The following DTX1 variants were observed in gnomAD, a reference collection of about 807,000 sequenced individuals.
DTX1 encodes E3 ubiquitin-protein ligase DTX1.
In DTX1, 26 loss-of-function variants were observed where a neutral mutation model predicts 57.8. The ratio of observed to expected loss-of-function variants is 0.45; its 90% CI spans 0.33 to 0.62. DTX1 has a LOEUF of 0.62. Ranked by LOEUF, DTX1 falls within the 20% of genes least tolerant of loss-of-function variation. The pLI, the probability that DTX1 is intolerant of heterozygous loss-of-function variation, is 0.02. For synonymous variants in DTX1, 398 were observed against 394.1 expected (o/e 1.01, Z -0.12); for missense variants, 704 against 895.3 (o/e 0.79, Z 2.73).
intron 2 of DTX1, among the ~76,000 whole-genome samples, chr12:113,073,402 T>C (rs933568379): frequency 6.6e-6 from 1 of 152,074 alleles, no homozygotes; most frequent in Non-Finnish European, 1.5e-5. Flanking sequence ...CACACTCAAT[T>C]AAAATGATAA....
At position 113,093,020 on chromosome 12, in the gene DTX1, C is replaced by T; in HGVS notation, c.942-142C>T. On this transcript the variant is annotated intron_variant, in intron 3 of 9. Transcript: ENST00000548759. The surrounding 1 kb of genome is among the most constrained non-coding windows in gnomAD (Gnocchi z 4.2). The stretch of plus-strand genomic sequence containing the variant: ...GATGTCAGAGTAGAAAGAGAGTTTC[C>T]TGGAGGTAACTGCAGTTGGCAGAGA... 1 of 749,412 alleles carries T rather than the reference C, an allele frequency of 1.3e-6. No individual in the cohort carries two copies. The highest frequency in any genetic ancestry group is 2.1e-6 in the Non-Finnish European group (1 of 469,516). The allele number at this position is 749,412 out of a possible 1,614,324, so 46.4% of individuals were successfully genotyped here.
intron 1 of DTX1, among the ~76,000 whole-genome samples, 187 bp downstream of exon 1, chr12:113,057,131 C>T (rs2136419530): frequency 6.6e-6 from 1 of 152,066 alleles, no homozygotes; most frequent in South Asian, 2.1e-4. Context: ...GCCTGCAGCG[C>T]CGCGCATCCC....
chr12:113,096,993 T>C lies in DTX1; in HGVS notation c.*54T>C. ...CTTTGCCCCTGGTCCGGCAAATGCC[T>C]CCTTCGCCAGGTGTGTCCTGGTAGC... On this transcript the variant is annotated 3_prime_UTR_variant, in exon 10 of 10. Coordinates refer to ENST00000548759, the MANE Select transcript of DTX1 (RefSeq NM_004416.3). 1 of 1,530,574 alleles carries C rather than the reference T, an allele frequency of 6.5e-7. No homozygotes were observed. The highest frequency in any genetic ancestry group is 8.8e-7 in the Non-Finnish European group (1 of 1,138,676). 94.8% of individuals were successfully genotyped at this position (1,530,574 alleles called of 1,614,324 possible). A position where few individuals can be genotyped will look rare whatever the true frequency, so the allele number is the denominator to read the frequency against.
At chr12:113,076,661 A>C (rs1053326576) in intron 2 of DTX1, among the ~76,000 whole-genome samples, 1 of 152,326 alleles carries the variant, frequency 6.6e-6, no homozygotes, top group Non-Finnish European at 1.5e-5. Context: ...GAATGACCTA[A>C]GGAAAGAATC....
intron 2 of DTX1, among the ~76,000 whole-genome samples, chr12:113,062,795 C>T (rs1424071706): frequency 2.6e-5 from 4 of 152,240 alleles, no homozygotes; most frequent in Non-Finnish European, 5.9e-5. Context: ...AGAAGCCAGG[C>T]TCTGGCCCCA....
rs541378534 is a variant in DTX1 at position 113,096,654 on chromosome 12, C to T, written c.1639-61C>T. On this transcript the variant is annotated intron_variant, in intron 9 of 9. Coordinates refer to ENST00000548759, the MANE Select transcript of DTX1 (RefSeq NM_004416.3). ...GGCAGGGGAGGGAGGGAGGCTGAGGCTGGTGGGCTGGAAGCTGCCTGTGAC... is the reference window on the plus strand; with the variant it reads ...GGCAGGGGAGGGAGGGAGGCTGAGGTTGGTGGGCTGGAAGCTGCCTGTGAC... The T allele has an allele frequency of 1.1e-4, 166 of 1,499,462 alleles. No homozygotes were observed. The African/African-American group carries it at 1.7e-3, about 16-fold the overall frequency. 92.9% of individuals were successfully genotyped at this position (1,499,462 alleles called of 1,614,324 possible). A position where few individuals can be genotyped will look rare whatever the true frequency, so the allele number is the denominator to read the frequency against.
chr12:113,081,273 G>A (rs1320750083), intron 3 of DTX1, among the ~76,000 whole-genome samples: 1 of 152,112 alleles, frequency 6.6e-6, no homozygotes, highest in African/African-American at 2.4e-5. Flanking sequence ...AGGTTGCAGT[G>A]AGCCGAGATC....
chr12:113,058,175 CCT>C lies in DTX1; in HGVS notation c.-17_-16del. On this transcript the variant is annotated 5_prime_UTR_variant, in exon 2 of 10. Transcript: ENST00000548759. ...GCCTGCAATAGTGGGGGACCTGGCCCCTGAGGCAGTGGCGGCCATGTCACGGC... is the reference window on the plus strand; with the variant it reads ...GCCTGCAATAGTGGGGGACCTGGCCCGAGGCAGTGGCGGCCATGTCACGGC... 4 of 1,587,350 alleles carry C rather than the reference CCT, an allele frequency of 2.5e-6. No homozygotes were observed. Among genetic ancestry groups the C allele is most frequent in the Non-Finnish European group, 3.4e-6 (4 of 1,165,384 alleles).
At chr12:113,079,985 A>G (rs1592849573) in intron 3 of DTX1, among the ~76,000 whole-genome samples, 1 of 151,592 alleles carries the variant, frequency 6.6e-6, no homozygotes, top group Non-Finnish European at 1.5e-5. Flanking sequence ...GTACCTGAAC[A>G]CAGCATCTAC....
chr12:113,077,484 T>C lies in DTX1; in HGVS notation c.320T>C (p.Ile107Thr), dbSNP rs1211976098. The stretch of plus-strand genomic sequence containing the variant: ...CCGTCGTCGGCGCCGGGCAAGGGCA[T>C]CGTGTGGGAGTGGGAGAACGACGGC... ...YDPSSAPGKGIVWEWENDGGA... is the reference protein window; with the variant it reads ...YDPSSAPGKGTVWEWENDGGA... The change falls in exon 3 of 10, where the codon ATC (isoleucine) becomes ACC (threonine). Residue 107 changes from isoleucine to threonine, a missense_variant. Ile to Thr is a moderately conservative substitution (Grantham distance 89). Coordinates refer to ENST00000548759, the MANE Select transcript of DTX1 (RefSeq NM_004416.3). The surrounding 1 kb of genome is among the most constrained non-coding windows in gnomAD (Gnocchi z 7.8). 1 of 1,612,848 alleles carries C rather than the reference T, an allele frequency of 6.2e-7. No individual in the cohort carries two copies. Among genetic ancestry groups the C allele is most frequent in the Non-Finnish European group, 8.5e-7 (1 of 1,179,862 alleles).
intron 2 of DTX1, among the ~76,000 whole-genome samples, chr12:113,065,434 C>G (rs2044697469): frequency 6.6e-6 from 1 of 152,166 alleles, no homozygotes; most frequent in Non-Finnish European, 1.5e-5. Context: ...ATCAACGACC[C>G]GCCCGCGCCT....
intron 2 of DTX1, among the ~76,000 whole-genome samples, chr12:113,061,958 G>A (rs1458510500): frequency 1.3e-5 from 2 of 151,762 alleles, no homozygotes; most frequent in Admixed American, 6.6e-5. Context: ...CGCCCGCCTC[G>A]GCCTCCCAAA....
chr12:113,079,725 T>TGC (rs1476520043), intron 3 of DTX1, among the ~76,000 whole-genome samples: 1 of 150,852 alleles, frequency 6.6e-6, no homozygotes, highest in Non-Finnish European at 1.5e-5. Context: ...TGTGTGTGTG[T>TGC]GTGTGTGTGT....
At chr12:113,057,132 C>A (rs2044629726) in intron 1 of DTX1, among the ~76,000 whole-genome samples, 188 bp downstream of exon 1, 1 of 151,942 alleles carries the variant, frequency 6.6e-6, no homozygotes, top group Admixed American at 6.5e-5. Context: ...CCTGCAGCGC[C>A]GCGCATCCCC....
intron 9 of DTX1, among the ~76,000 whole-genome samples, chr12:113,096,439 C>CAAAAAAAA (rs56194115): frequency 2.2e-5 from 2 of 92,762 alleles, no homozygotes; most frequent in South Asian, 4.1e-4. Context: ...GACTCTGCCT[C>CAAAAAAAA]AAAAAAAAAA....
chr12:113,094,107 G>GTT lies in DTX1; in HGVS notation c.1227+8_1227+9insTT. On this transcript the variant is annotated intron_variant, in intron 6 of 9. Transcript: ENST00000548759. ...AAAAACCCACCTGATGAGGTGAGGAGGGGATGGGGGGGCTGGGGGAGGGCC... is the reference window on the plus strand; with the variant it reads ...AAAAACCCACCTGATGAGGTGAGGAGTTGGGATGGGGGGGCTGGGGGAGGGCC... 1 of 1,536,022 alleles carries GTT rather than the reference G, an allele frequency of 6.5e-7. No individual in the cohort carries two copies. Among genetic ancestry groups the GTT allele is most frequent in the Non-Finnish European group, 8.9e-7 (1 of 1,129,810 alleles).
Position 113,058,069 on chromosome 12 carries a change from A to G in DTX1, c.-124A>G. 5 of 1,414,848 alleles carry G rather than the reference A, an allele frequency of 3.5e-6. No homozygotes were observed. Among genetic ancestry groups the G allele is most frequent in the African/African-American group, 1.4e-5 (1 of 69,282 alleles). 87.6% of individuals were successfully genotyped at this position (1,414,848 alleles called of 1,614,324 possible). ...TAGGCCTCAGAGAGAACCCAGAGTTAGAAAGGAGGCCAGACGGTCCTTGCT... is the reference window on the plus strand; with the variant it reads ...TAGGCCTCAGAGAGAACCCAGAGTTGGAAAGGAGGCCAGACGGTCCTTGCT... On this transcript the variant is annotated 5_prime_UTR_variant, in exon 2 of 10. Transcript: ENST00000548759.
chr12:113,090,029 G>A (rs1950235729), intron 3 of DTX1: 1 of 152,218 alleles, frequency 6.6e-6, no homozygotes, highest in East Asian at 1.9e-4. Context: ...GCTTGAGAGA[G>A]TGCTGTGATG....
At chr12:113,060,093 G>C (rs991390734) in intron 2 of DTX1, among the ~76,000 whole-genome samples, 6 of 152,016 alleles carry the variant, frequency 3.9e-5, no homozygotes, top group African/African-American at 1.5e-4. Context: ...TACCATGTCT[G>C]GAAACACAGG....
Sources: allele counts gnomAD v4.1 joint callset (sites outside exome capture counted in the v4.1 genomes callset), GRCh38; gene constraint gnomAD v4.1.1; non-coding constraint Gnocchi (gnomAD v3.1); transcripts MANE v1.5; gene names NCBI Gene and HGNC (gene_info 2026-07-23, HGNC 2026-07-21).